The following DOCK11 variants were observed in gnomAD, a reference collection of about 807,000 sequenced individuals.
DOCK11 encodes the protein dedicator of cytokinesis protein 11.
Under a neutral mutation model 169.1 loss-of-function variants are expected in DOCK11, and 70 were observed. That is an observed-to-expected ratio of 0.41 (90% confidence interval 0.34 to 0.51). The LOEUF (loss-of-function observed/expected upper bound fraction) is 0.51, where lower values mean the gene tolerates loss of function less well. Ranked by LOEUF, DOCK11 falls within the 20% of genes least tolerant of loss-of-function variation. The pLI, the probability that DOCK11 is intolerant of heterozygous loss-of-function variation, is 0.10. For synonymous variants in DOCK11, 529 were observed against 541.3 expected (o/e 0.98, Z 0.32); for missense variants, 1,166 against 1,538.8 (o/e 0.76, Z 4.05).
chrX:118,620,806 C>T (rs1198140098), intron 31 of DOCK11, among the ~76,000 whole-genome samples: 3 of 111,960 alleles, frequency 2.7e-5, no homozygotes, highest in Non-Finnish European at 5.6e-5. Flanking sequence ...TCTTATGCCA[C>T]GTGGAGGAAA....
rs1465040189 is a variant in DOCK11 at position 118,676,584 on chromosome X, A to G, written c.5314-7A>G. The G allele has an allele frequency of 3.7e-6, 4 of 1,095,581 alleles. No homozygotes were observed. The highest frequency in any genetic ancestry group is 4.9e-6 in the Non-Finnish European group (4 of 819,334). The allele number at this position is 1,095,581 out of a possible 1,213,427, so 90.3% of individuals were successfully genotyped here. The stretch of plus-strand genomic sequence containing the variant: ...TATAAGTTATTATTTGTTTAACTTT[A>G]TAATAGTCTTTTTTTGAAGAAGAAG... On this transcript the variant is annotated splice_polypyrimidine_tract_variant and splice_region_variant and intron_variant, in intron 47 of 52. Coordinates refer to ENST00000276202, the MANE Select transcript of DOCK11 (RefSeq NM_144658.4).
intron 1 of DOCK11, among the ~76,000 whole-genome samples, chrX:118,496,417 G>A (rs1405774775): frequency 8.9e-6 from 1 of 112,680 alleles, no homozygotes; most frequent in Non-Finnish European, 1.9e-5. Context: ...TCTGGACTCG[G>A]CACAAAGAGC....
chrX:118,557,632 C>T (rs900420690), intron 6 of DOCK11, among the ~76,000 whole-genome samples: 2 of 107,259 alleles, frequency 1.9e-5, no homozygotes, highest in Admixed American at 2.0e-4. Context: ...GGCATGGTGG[C>T]GGGCGCCCGT....
At position 118,548,987 on chromosome X, in the gene DOCK11, T is replaced by C. The variant is rs770775668; in HGVS notation, c.558+2871T>C. Among the ~76,000 whole-genome samples the C allele has an allele frequency of 2.7e-5, 3 of 110,926 alleles. No homozygotes were observed. The East Asian group carries it at 8.5e-4, about 31-fold the overall frequency. Reference sequence around the variant, plus strand: ...GTGTGATGGGTCCGAGGCAACCTGGTGACCACATAGCCCACAGCTGAAGGG... The same window carrying C: ...GTGTGATGGGTCCGAGGCAACCTGGCGACCACATAGCCCACAGCTGAAGGG... On this transcript the variant is annotated intron_variant, in intron 6 of 52. Transcript: ENST00000276202.
chrX:118,651,671 G>A (rs1199046181), intron 41 of DOCK11, among the ~76,000 whole-genome samples: 1 of 112,111 alleles, frequency 8.9e-6, no homozygotes, highest in African/African-American at 3.2e-5. Flanking sequence ...GACTACCATT[G>A]TATCAGTTCA....
chrX:118,658,125 A>G (rs1448616537), intron 44 of DOCK11, among the ~76,000 whole-genome samples: 1 of 111,663 alleles, frequency 9.0e-6, no homozygotes, highest in Non-Finnish European at 1.9e-5. Context: ...CTTAAGACCA[A>G]CGTATTTGAC....
At chrX:118,535,061 AG>A (rs1157392997) in intron 1 of DOCK11, among the ~76,000 whole-genome samples, 1 of 112,403 alleles carries the variant, frequency 8.9e-6, no homozygotes, top group Admixed American at 9.5e-5. Context: ...CAGCATCATC[AG>A]GGCGATAGGA....
intron 46 of DOCK11, among the ~76,000 whole-genome samples, chrX:118,673,820 C>T (rs1326089288): frequency 9.0e-6 from 1 of 111,450 alleles, no homozygotes; most frequent in Non-Finnish European, 1.9e-5. Flanking sequence ...CACCCCACTC[C>T]CATTTTCCAA....
intron 7 of DOCK11, among the ~76,000 whole-genome samples, chrX:118,564,791 G>A (rs5910378): frequency 0.34 from 34,387 of 101,261 alleles, 4,733 homozygotes; most frequent in East Asian, 0.53. Flanking sequence ...CTTCTTTGGA[G>A]TCTTGCCCTG....
intron 20 of DOCK11, among the ~76,000 whole-genome samples, chrX:118,594,597 A>C (rs1168314189): frequency 8.9e-6 from 1 of 112,052 alleles, no homozygotes; most frequent in African/African-American, 3.2e-5. Flanking sequence ...TGTAGTAGGC[A>C]CTTTGGAGAA....
chrX:118,675,017 T>C (rs2016575738), intron 46 of DOCK11, among the ~76,000 whole-genome samples: 1 of 111,669 alleles, frequency 9.0e-6, no homozygotes. Context: ...TTAAAATTGG[T>C]TTGCATATAT....
At chrX:118,625,472 A>G (rs1181762539) in intron 32 of DOCK11, among the ~76,000 whole-genome samples, 2 of 111,585 alleles carry the variant, frequency 1.8e-5, no homozygotes, top group African/African-American at 6.5e-5. Flanking sequence ...TTTTAATTCA[A>G]TAGACCTGGG....
chrX:118,625,080 A>C (rs2015068724), intron 32 of DOCK11, among the ~76,000 whole-genome samples: 1 of 109,999 alleles, frequency 9.1e-6, no homozygotes, highest in African/African-American at 3.3e-5. Flanking sequence ...TTTTTACTCC[A>C]TGTACACTGT....
chrX:118,534,808 G>A (rs1336800260), intron 1 of DOCK11, among the ~76,000 whole-genome samples: 1 of 111,949 alleles, frequency 8.9e-6, no homozygotes, highest in Non-Finnish European at 1.9e-5. Context: ...CTCTCTGCTA[G>A]GTTGTGTGGA....
intron 35 of DOCK11, chrX:118,633,909 T>C (rs2015315566): frequency 8.9e-6 from 1 of 112,928 alleles, no homozygotes; most frequent in Non-Finnish European, 1.9e-5. Flanking sequence ...GTTTCTTTAG[T>C]GAGTTCCGCA....
intron 44 of DOCK11, among the ~76,000 whole-genome samples, chrX:118,660,522 A>G (rs746931820): frequency 1.7e-4 from 19 of 110,640 alleles, no homozygotes; most frequent in Non-Finnish European, 3.6e-4. Flanking sequence ...GCTGGAGTGC[A>G]GTGGTGATCT....
intron 28 of DOCK11, among the ~76,000 whole-genome samples, chrX:118,614,400 G>A (rs142687489): frequency 0.011 from 1,277 of 111,103 alleles, 20 homozygotes; most frequent in African/African-American, 0.04. Context: ...ATGTGTGTCT[G>A]TGTATGTATG....
intron 1 of DOCK11, among the ~76,000 whole-genome samples, chrX:118,542,082 T>G (rs1181685185): frequency 3.6e-5 from 4 of 111,730 alleles, no homozygotes; most frequent in Non-Finnish European, 7.5e-5. Context: ...CAGGCACACT[T>G]CCAAGTATGC....
Position 118,568,370 on chromosome X carries a change from TTATATATATATATATATATATATATATA to T in DOCK11, c.1035+236_1035+263del, listed in dbSNP as rs397839351. On this transcript the variant is annotated intron_variant, in intron 10 of 52. Coordinates refer to ENST00000276202, the MANE Select transcript of DOCK11 (RefSeq NM_144658.4). ...CATATGCAGATAATTTGGGGCTGAA[TTATATATATATATATATATATATATATA>T]TATATATATATATATATATATATAT... 1.5e-3 allele frequency among the ~76,000 whole-genome samples: 54 copies of T among 36,739 alleles called. 1 individual carries two copies. The highest frequency in any genetic ancestry group is 0.022 in the Middle Eastern group (1 of 45). The allele number at this position is 36,739 out of a possible 115,157, so 31.9% of individuals were successfully genotyped here. A position where few individuals can be genotyped will look rare whatever the true frequency, so the allele number is the denominator to read the frequency against.
Sources: allele counts gnomAD v4.1 joint callset (sites outside exome capture counted in the v4.1 genomes callset), GRCh38; gene constraint gnomAD v4.1.1; transcripts MANE v1.5; gene names NCBI Gene and HGNC (gene_info 2026-07-23, HGNC 2026-07-21).